PPFIA1: variants seen among roughly 807,000 people sequenced by gnomAD.
PPFIA1 encodes PPFI scaffold protein A1, also known as liprin-alpha-1.
A neutral mutation model predicts 149.9 loss-of-function variants in PPFIA1; 25 were observed. The ratio of observed to expected loss-of-function variants is 0.17; its 90% CI spans 0.12 to 0.23. The LOEUF is 0.23. Among genes scored for constraint, PPFIA1 ranks in the 10% least tolerant of loss-of-function variants. The probability of loss-of-function intolerance (pLI) is 1.00; values close to 1 mark genes in which losing one functional copy is unlikely to be tolerated. For synonymous variants in PPFIA1, 549 were observed against 552.8 expected (o/e 0.99, Z 0.10); for missense variants, 1,362 against 1,506.5 (o/e 0.90, Z 1.59).
chr11:70,355,507 C>T (rs1591322362), intron 17 of PPFIA1, 132 bp from the exon 18 acceptor site: 1 of 872,466 alleles, frequency 1.1e-6, no homozygotes, highest in East Asian at 2.7e-5. Context: ...CTGCCTTTAT[C>T]ATGCATGATG....
intron 1 of PPFIA1, 42 bp from the exon 2 acceptor site, chr11:70,272,131 A>G: frequency 1.3e-6 from 2 of 1,593,674 alleles, no homozygotes; most frequent in African/African-American, 1.4e-5. Flanking sequence ...GGGAACCTGT[A>G]TTCTGAGCTT....
chr11:70,359,890 A>G (rs754591563), intron 19 of PPFIA1, among the ~76,000 whole-genome samples: 4 of 152,268 alleles, frequency 2.6e-5, no homozygotes, highest in Non-Finnish European at 5.9e-5. Flanking sequence ...GGCTTCAGCC[A>G]TCTCCAGGCT....
At chr11:70,344,437 G>A (rs1169659743) in intron 15 of PPFIA1, among the ~76,000 whole-genome samples, 1 of 152,338 alleles carries the variant, frequency 6.6e-6, no homozygotes, top group Non-Finnish European at 1.5e-5. Context: ...ACACCGGAGC[G>A]GGCGCATATG....
In PPFIA1 at chr11:70,382,072, G is replaced by T. The variant is rs781089812; in HGVS notation, c.3551-16G>T. On this transcript the variant is annotated splice_polypyrimidine_tract_variant and intron_variant, in intron 26 of 27. Transcript: ENST00000253925. ...ACGCTGTGTTTGCACGCTTCCTCTC[G>T]TGGCTGTTGAAACAGGCAATGTATC... 6.2e-7 allele frequency: 1 copy of T among 1,613,552 alleles called. No individual in the cohort carries two copies. Among genetic ancestry groups the T allele is most frequent in the Non-Finnish European group, 8.5e-7 (1 of 1,179,666 alleles).
intron 5 of PPFIA1, among the ~76,000 whole-genome samples, 200 bp from the exon 6 acceptor site, chr11:70,326,062 G>T (rs1249147863): frequency 6.6e-6 from 1 of 152,100 alleles, no homozygotes; most frequent in Non-Finnish European, 1.5e-5. Context: ...GGTTACCTAA[G>T]GACTCGTCTG....
chr11:70,377,940 G>A, intron 25 of PPFIA1, 90 bp from the exon 26 acceptor site: 5 of 1,018,038 alleles, frequency 4.9e-6, no homozygotes, highest in Non-Finnish European at 7.4e-6. Flanking sequence ...ACATTCTCGA[G>A]ATCAGCAGTC....
At position 70,336,940 on chromosome 11, in the gene PPFIA1, A is replaced by G. The variant is rs574893478; in HGVS notation, c.1429-425A>G. On this transcript the variant is annotated intron_variant, in intron 11 of 27. Coordinates refer to ENST00000253925, the MANE Select transcript of PPFIA1 (RefSeq NM_003626.5). Reference sequence around the variant, plus strand: ...ACCATGGAGGGCATTTCCAGAGACCATACAGAGTCATTATCCCACTCACCT... The same window carrying G: ...ACCATGGAGGGCATTTCCAGAGACCGTACAGAGTCATTATCCCACTCACCT... 3.3e-5 allele frequency among the ~76,000 whole-genome samples: 5 copies of G among 152,380 alleles called. No individual in the cohort carries two copies. In the South Asian group the frequency reaches 1.0e-3, roughly 32 times the overall value.
At chr11:70,324,632 C>T in intron 3 of PPFIA1, 129 bp downstream of exon 3, 1 of 921,164 alleles carries the variant, frequency 1.1e-6, no homozygotes, top group Non-Finnish European at 1.7e-6. Flanking sequence ...TCCCACTGAG[C>T]AGACTGTGAT....
intron 24 of PPFIA1, among the ~76,000 whole-genome samples, chr11:70,375,989 G>T (rs1397086373): frequency 1.3e-5 from 2 of 150,568 alleles, no homozygotes; most frequent in Non-Finnish European, 3.0e-5. Flanking sequence ...TGAGGGAGTT[G>T]TTTTTTTGTT....
chr11:70,366,475 T>C (rs1053623895), intron 21 of PPFIA1, among the ~76,000 whole-genome samples: 2 of 152,258 alleles, frequency 1.3e-5, no homozygotes, highest in African/African-American at 4.8e-5. Flanking sequence ...TTAAGCCTCT[T>C]CTTGAGTACT....
chr11:70,294,269 G>C (rs1398079384), intron 2 of PPFIA1, among the ~76,000 whole-genome samples: 1 of 152,100 alleles, frequency 6.6e-6, no homozygotes, highest in Non-Finnish European at 1.5e-5. Context: ...GCAAATTGTA[G>C]AGAAAGGTAA....
chr11:70,322,358 A>G (rs1212241107), intron 2 of PPFIA1, among the ~76,000 whole-genome samples: 1 of 152,230 alleles, frequency 6.6e-6, no homozygotes, highest in East Asian at 1.9e-4. Context: ...GGTATTTGAT[A>G]TGATTAATAT....
intron 2 of PPFIA1, among the ~76,000 whole-genome samples, chr11:70,314,865 T>C (rs2053502355): frequency 6.6e-6 from 1 of 152,198 alleles, no homozygotes; most frequent in Non-Finnish European, 1.5e-5. Context: ...AAGGTTTAAT[T>C]GACTCACAGT....
intron 15 of PPFIA1, among the ~76,000 whole-genome samples, chr11:70,345,423 A>C (rs114938238): frequency 0.021 from 3,246 of 152,156 alleles, 114 homozygotes; most frequent in African/African-American, 0.072. Flanking sequence ...GAGAAGGAGC[A>C]CATGGAGCAT....
chr11:70,346,083 C>T (rs1425449954), intron 15 of PPFIA1: 2 of 355,222 alleles, frequency 5.6e-6, no homozygotes, highest in Non-Finnish European at 1.2e-5. Flanking sequence ...TAATGCAGAA[C>T]TTACAAAACG....
intron 24 of PPFIA1, 25 bp from the exon 25 acceptor site, chr11:70,376,507 A>T (rs762557625): frequency 1.3e-6 from 2 of 1,598,344 alleles, no homozygotes; most frequent in Non-Finnish European, 1.7e-6. Flanking sequence ...TGAAAGTTTT[A>T]TTTGTTTTTC....
chr11:70,379,018 G>C (rs117936824), intron 26 of PPFIA1, among the ~76,000 whole-genome samples: 1 of 152,226 alleles, frequency 6.6e-6, no homozygotes, highest in African/African-American at 2.4e-5. Context: ...CCCTGGCCTC[G>C]GTCTCCCCAT....
At chr11:70,309,225 A>G (rs1270151704) in intron 2 of PPFIA1, among the ~76,000 whole-genome samples, 1 of 151,800 alleles carries the variant, frequency 6.6e-6, no homozygotes, top group African/African-American at 2.4e-5. Flanking sequence ...GCTGGAGTGC[A>G]GTGGCGCGAT....
Position 70,362,455 on chromosome 11 carries a change from G to C in PPFIA1, c.2832G>C (p.Leu944=), listed in dbSNP as rs976213456. The stretch of plus-strand genomic sequence containing the variant: ...TGGCCATCCAGGAGATCATGTCGCT[G>C]ACCAGCCCGTCTGCCCCGCCCACAT... ...LRLAIQEIMS[L]TSPSAPPTSR... The change falls in exon 21 of 28, where the codon CTG becomes CTC. Residue 944 remains leucine (L), a synonymous_variant. Transcript: ENST00000253925. The C allele has an allele frequency of 2.1e-5, 34 of 1,613,906 alleles. No individual in the cohort carries two copies. The highest frequency in any genetic ancestry group is 2.1e-5 in the Non-Finnish European group (25 of 1,179,972).
Sources: gnomAD v4.1 joint callset for allele counts (sites outside exome capture counted in the v4.1 genomes callset) on GRCh38, gnomAD v4.1.1 for gene constraint, MANE v1.5 for transcripts, NCBI Gene and HGNC (gene_info 2026-07-23, HGNC 2026-07-21) for gene names.